Variants in SULF2 observed in about 807,000 individuals in gnomAD.
SULF2 encodes the protein sulfatase 2, also known as extracellular sulfatase Sulf-2.
A neutral mutation model predicts 107.7 loss-of-function variants in SULF2; 52 were observed. That is an observed-to-expected ratio of 0.48 (90% CI 0.39 to 0.61). The LOEUF (loss-of-function observed/expected upper bound fraction) is 0.61, where lower values mean the gene tolerates loss of function less well. Among genes scored for constraint, SULF2 ranks in the 20% least tolerant of loss-of-function variants. SULF2 has a pLI of 0.00. For synonymous variants in SULF2, 460 were observed against 464.3 expected (o/e 0.99, Z 0.12); for missense variants, 993 against 1,177.3 (o/e 0.84, Z 2.29).
intron 10 of SULF2, 128 bp from the exon 11 acceptor site, chr20:47,672,521 C>T: frequency 4.2e-6 from 6 of 1,435,200 alleles, no homozygotes; most frequent in Non-Finnish European, 4.6e-6. Context: ...CCGAGCCCCA[C>T]CTCTGCTATC....
chr20:47,740,474 G>A (rs988542016), intron 2 of SULF2, among the ~76,000 whole-genome samples: 1 of 152,110 alleles, frequency 6.6e-6, no homozygotes, highest in South Asian at 2.1e-4. Flanking sequence ...CAGGGGTGGG[G>A]GTGGCCCAGG....
At chr20:47,748,154 C>G (rs1057224825) in intron 2 of SULF2, among the ~76,000 whole-genome samples, 1 of 152,196 alleles carries the variant, frequency 6.6e-6, no homozygotes, top group African/African-American at 2.4e-5. Context: ...TGGGGACCAC[C>G]AGGTCTCCCC....
At chr20:47,674,838 C>T (rs899084771) in intron 10 of SULF2, among the ~76,000 whole-genome samples, 15 of 152,210 alleles carry the variant, frequency 9.9e-5, no homozygotes, top group South Asian at 8.3e-4. Context: ...GACATGGCAA[C>T]GGCACTCGGG....
Position 47,702,615 on chromosome 20 carries a change from C to G in SULF2, c.471G>C (p.Trp157Cys), listed in dbSNP as rs763402700. 2 of 1,613,768 alleles carry G rather than the reference C, an allele frequency of 1.2e-6. No individual in the cohort carries two copies. Among genetic ancestry groups the G allele is most frequent in the Admixed American group, 3.3e-5 (2 of 60,002 alleles). Residue 157 changes from tryptophan to cysteine, a missense_variant, in exon 4 of 21, where the codon TGG becomes TGC. Transcript: ENST00000688720. ...TTTTAAGGAGTCCGACCCACTCCTT[C>G]CAGCCGGGTGGCACGTAGGAGCCGT... Reference protein sequence around the residue: ...EYNGSYVPPGWKEWVGLLKNS... With the variant: ...EYNGSYVPPGCKEWVGLLKNS...
intron 3 of SULF2, 45 bp downstream of exon 3, chr20:47,736,658 C>G: frequency 6.2e-7 from 1 of 1,610,912 alleles, no homozygotes; most frequent in Non-Finnish European, 8.5e-7. Flanking sequence ...GGACGCCCGC[C>G]CTGGCTGTCA....
chr20:47,665,294 C>T lies in SULF2; in HGVS notation c.1903-1G>A. On this transcript the variant is annotated splice_acceptor_variant, in intron 13 of 20. Transcript: ENST00000688720. LOFTEE classifies it high-confidence loss of function. ...TAATTTTGTTCTGCAGGGTTTCAAT[C>T]TGAGGGAGGGGCAGAAGAGGAGGCC... The T allele has an allele frequency of 6.2e-7, 1 of 1,604,352 alleles. No individual in the cohort carries two copies. The highest frequency in any genetic ancestry group is 8.5e-7 in the Non-Finnish European group (1 of 1,171,310).
chr20:47,688,088 C>A (rs191660470), intron 5 of SULF2, among the ~76,000 whole-genome samples: 10 of 151,866 alleles, frequency 6.6e-5, no homozygotes, highest in Admixed American at 3.3e-4. Flanking sequence ...CCACCATCTA[C>A]CAACTTTTGC....
intron 15 of SULF2, 38 bp from the exon 16 acceptor site, chr20:47,663,660 G>C: frequency 6.5e-7 from 1 of 1,528,614 alleles, no homozygotes; most frequent in Non-Finnish European, 8.8e-7. Context: ...TTGGGCCTCT[G>C]AGGGATCAGT....
Position 47,710,712 on chromosome 20 carries a change from A to C in SULF2, c.416-8042T>G, listed in dbSNP as rs142917961. Among the ~76,000 whole-genome samples, 5 of 152,258 alleles carry C rather than the reference A, an allele frequency of 3.3e-5. No homozygotes were observed. The East Asian group carries it at 9.6e-4, about 29-fold the overall frequency. ...TTATAGCCAACTTCTTGCTGTTAACATCTGGTTTAATGGAGTCCCCCTGCC... is the reference window on the plus strand; with the variant it reads ...TTATAGCCAACTTCTTGCTGTTAACCTCTGGTTTAATGGAGTCCCCCTGCC... On this transcript the variant is annotated intron_variant, in intron 3 of 20. Coordinates refer to ENST00000688720, the MANE Select transcript of SULF2 (RefSeq NM_001387048.1).
At chr20:47,768,560 G>A (rs766347483) in intron 1 of SULF2, among the ~76,000 whole-genome samples, 12 of 152,266 alleles carry the variant, frequency 7.9e-5, no homozygotes, top group Non-Finnish European at 1.3e-4. Context: ...CTCAGGGCAC[G>A]GCCTACCAGC....
At chr20:47,672,726 C>T (rs955707300) in intron 10 of SULF2, among the ~76,000 whole-genome samples, 10 of 152,120 alleles carry the variant, frequency 6.6e-5, no homozygotes, top group African/African-American at 2.2e-4. Flanking sequence ...ACTTAAAACC[C>T]TTCAATGGCT....
chr20:47,759,445 A>C (rs960046334), intron 1 of SULF2, among the ~76,000 whole-genome samples: 2 of 152,178 alleles, frequency 1.3e-5, no homozygotes, highest in African/African-American at 4.8e-5. Flanking sequence ...TAATTCCAGC[A>C]CTTTGGCAGG....
intron 1 of SULF2, among the ~76,000 whole-genome samples, chr20:47,760,603 G>A (rs1237575990): frequency 1.3e-5 from 2 of 152,104 alleles, no homozygotes; most frequent in Non-Finnish European, 2.9e-5. Flanking sequence ...CTGCCCTGAT[G>A]CGCACCCTAA....
In SULF2 at chr20:47,683,133, T is replaced by A; in HGVS notation, c.925A>T (p.Asn309Tyr). The A allele has an allele frequency of 6.2e-7, 1 of 1,611,028 alleles. No individual in the cohort carries two copies. The highest frequency in any genetic ancestry group is 8.5e-7 in the Non-Finnish European group (1 of 1,177,864). ...NMLVETGELDNTYIVYTADHG... is the reference protein window; with the variant it reads ...NMLVETGELDYTYIVYTADHG... ...TCGGCGGTGTATACGATGTACGTGTTGTCCAGCTCGCCCGTCTCAACCAGC... is the reference window on the plus strand; with the variant it reads ...TCGGCGGTGTATACGATGTACGTGTAGTCCAGCTCGCCCGTCTCAACCAGC... The change falls in exon 7 of 21, where the codon AAC becomes TAC. Residue 309 changes from asparagine to tyrosine, a missense_variant. Coordinates refer to ENST00000688720, the MANE Select transcript of SULF2 (RefSeq NM_001387048.1).
At chr20:47,754,691 T>A (rs970587656) in intron 2 of SULF2, among the ~76,000 whole-genome samples, 1 of 152,234 alleles carries the variant, frequency 6.6e-6, no homozygotes, top group African/African-American at 2.4e-5. Flanking sequence ...CAACGATGCC[T>A]GTTTAAATTT....
chr20:47,725,874 C>T (rs1477204628), intron 3 of SULF2, among the ~76,000 whole-genome samples: 1 of 152,196 alleles, frequency 6.6e-6, no homozygotes, highest in Non-Finnish European at 1.5e-5. Flanking sequence ...CTCAAATCCC[C>T]TGCGACACGG....
Position 47,778,874 on chromosome 20 carries a change from A to G in SULF2, c.-101+6469T>C, listed in dbSNP as rs143644377. On this transcript the variant is annotated intron_variant, in intron 1 of 20. Coordinates refer to ENST00000688720, the MANE Select transcript of SULF2 (RefSeq NM_001387048.1). The stretch of plus-strand genomic sequence containing the variant: ...AAAACCACACTAGAAAACAAAACAC[A>G]TTCTCTCTGGATAATTGTGTCCAGT... Among the ~76,000 whole-genome samples, 916 of 152,288 alleles carry G rather than the reference A, an allele frequency of 6.0e-3. 13 individuals carry two copies. Among genetic ancestry groups the G allele is most frequent in the African/African-American group, 0.021 (881 of 41,560 alleles).
intron 3 of SULF2, among the ~76,000 whole-genome samples, chr20:47,731,196 T>TTTTTTTTTTTATTTTTTTTA (rs1568871902): frequency 1.5e-4 from 16 of 103,736 alleles, no homozygotes; most frequent in African/African-American, 5.5e-4. Context: ...TCTTTTTTTT[T>TTTTTTTTTTTATTTTTTTTA]TTTTTTTTTT....
intron 13 of SULF2, 72 bp from the exon 14 acceptor site, chr20:47,665,365 C>A (rs769820215): frequency 9.1e-6 from 9 of 993,410 alleles, no homozygotes; most frequent in Admixed American, 1.7e-5. Context: ...CTGGTGACTG[C>A]CCCCACGCTG....
Sources: allele counts gnomAD v4.1 joint callset (sites outside exome capture counted in the v4.1 genomes callset), GRCh38; gene constraint gnomAD v4.1.1; transcripts MANE v1.5; gene names NCBI Gene and HGNC (gene_info 2026-07-23, HGNC 2026-07-21).